MROH9: variants seen among roughly 807,000 people sequenced by gnomAD.
MROH9 encodes maestro heat like repeat family member 9.
A neutral mutation model predicts 98.2 loss-of-function variants in MROH9; 92 were observed. That is an observed-to-expected ratio of 0.94 (90% CI 0.79 to 1.11). The LOEUF is 1.11. MROH9 is among the 50% of genes most tolerant of loss of function. The probability of loss-of-function intolerance (pLI) is 0.00; values close to 1 mark genes in which losing one functional copy is unlikely to be tolerated. For synonymous variants in MROH9, 397 were observed against 368.9 expected (o/e 1.08, Z -0.87); for missense variants, 1,057 against 1,014.8 (o/e 1.04, Z -0.57).
chr1:171,011,236 A>T (rs1289454465), intron 15 of MROH9, among the ~76,000 whole-genome samples: 1 of 152,232 alleles, frequency 6.6e-6, no homozygotes, highest in Non-Finnish European at 1.5e-5. Flanking sequence ...CCCTAATGTG[A>T]TAACTAAATC....
chr1:170,938,977 G>T (rs556342755), intron 1 of MROH9, among the ~76,000 whole-genome samples: 10 of 152,188 alleles, frequency 6.6e-5, no homozygotes, highest in Non-Finnish European at 1.5e-4. Flanking sequence ...TGGCTACTTT[G>T]CTCATGAGCC....
chr1:170,994,445 T>A (rs1044227401), intron 12 of MROH9, among the ~76,000 whole-genome samples: 2 of 152,184 alleles, frequency 1.3e-5, no homozygotes, highest in Admixed American at 1.3e-4. Flanking sequence ...GTTTCTCACA[T>A]GTCATTTTAA....
rs150307319 is a variant in MROH9, at chr1:170,990,086, A to G, written c.1028+83A>G. On this transcript the variant is annotated intron_variant, in intron 11 of 21. Coordinates refer to ENST00000367759, the MANE Select transcript of MROH9 (RefSeq NM_001163629.2). ...CAGATGGACCTGGGTTCAACTCTCA[A>G]TCTACCATAGTCAGGCCTGGTTTCT... 7.3e-3 allele frequency: 10,088 copies of G among 1,387,726 alleles called. 49 individuals carry two copies. The highest frequency in any genetic ancestry group is 9.8e-3 in the South Asian group (641 of 65,672). 86.0% of individuals were successfully genotyped at this position (1,387,726 alleles called of 1,614,324 possible). A position where few individuals can be genotyped will look rare whatever the true frequency, so the allele number is the denominator to read the frequency against.
At chr1:171,018,637 G>A (rs965996029) in intron 17 of MROH9, among the ~76,000 whole-genome samples, 13 of 152,182 alleles carry the variant, frequency 8.5e-5, no homozygotes, top group Non-Finnish European at 4.4e-5. Flanking sequence ...CTAACCCAAT[G>A]CAAAGAAGCT....
At chr1:170,937,679 G>A (rs1039952509) in intron 1 of MROH9, among the ~76,000 whole-genome samples, 2 of 151,240 alleles carry the variant, frequency 1.3e-5, no homozygotes, top group African/African-American at 2.4e-5. Flanking sequence ...CCGCCACTAC[G>A]CCCGGCTAAT....
chr1:170,992,052 C>G, intron 11 of MROH9, 112 bp from the exon 12 acceptor site: 1 of 1,159,670 alleles, frequency 8.6e-7, no homozygotes, highest in Non-Finnish European at 1.2e-6. Flanking sequence ...TCTGCAGTGT[C>G]TTTGCTATAT....
chr1:171,036,323 A>G (rs72710583), intron 20 of MROH9, among the ~76,000 whole-genome samples: 14,336 of 152,064 alleles, frequency 0.094, 777 homozygotes, highest in Middle Eastern at 0.17. Flanking sequence ...CTGTACTTTT[A>G]TATGTGTACT....
intron 20 of MROH9, among the ~76,000 whole-genome samples, chr1:171,053,802 C>A (rs938834914): frequency 3.3e-4 from 50 of 151,440 alleles, no homozygotes; most frequent in African/African-American, 1.1e-3. Flanking sequence ...AAATATTCAA[C>A]CTAAAGATTA....
chr1:170,937,765 C>T (rs529565960), intron 1 of MROH9, among the ~76,000 whole-genome samples: 17 of 152,136 alleles, frequency 1.1e-4, no homozygotes, highest in East Asian at 3.9e-4. Context: ...CCTCGTGATC[C>T]GCCCGCCTCG....
chr1:170,964,621 G>GA (rs66504204), intron 6 of MROH9, among the ~76,000 whole-genome samples: 1 of 151,814 alleles, frequency 6.6e-6, no homozygotes, highest in East Asian at 1.9e-4. Flanking sequence ...AGACAGATTT[G>GA]AAAAAAAATT....
At chr1:171,024,303 G>GGGGTGTGT in intron 17 of MROH9, 92 bp from the exon 18 acceptor site, 1 of 669,558 alleles carries the variant, frequency 1.5e-6, no homozygotes, top group South Asian at 1.9e-5. Context: ...ATTTATATGG[G>GGGGTGTGT]GTGTGTGTGT....
intron 8 of MROH9, among the ~76,000 whole-genome samples, chr1:170,980,381 C>G (rs2101796313): frequency 6.6e-6 from 1 of 152,118 alleles, no homozygotes; most frequent in Non-Finnish European, 1.5e-5. Flanking sequence ...GTACTTGTAC[C>G]AAACATATAG....
chr1:170,957,619 A>G (rs1649815700), intron 3 of MROH9, among the ~76,000 whole-genome samples: 2 of 152,064 alleles, frequency 1.3e-5, no homozygotes, highest in South Asian at 4.1e-4. Flanking sequence ...GTTCTTTCTT[A>G]AGATTGTTTT....
intron 1 of MROH9, among the ~76,000 whole-genome samples, chr1:170,945,131 T>A (rs2101869576): frequency 1.3e-5 from 2 of 152,012 alleles, no homozygotes; most frequent in Non-Finnish European, 2.9e-5. Flanking sequence ...GGCTTCTAGA[T>A]GCTGAGTATT....
intron 20 of MROH9, among the ~76,000 whole-genome samples, chr1:171,044,641 C>T (rs1041348173): frequency 6.6e-6 from 1 of 152,044 alleles, no homozygotes; most frequent in African/African-American, 2.4e-5. Flanking sequence ...GATCTCATTA[C>T]TTGTTATTGG....
chr1:171,006,342 T>C (rs1364708992), intron 15 of MROH9, among the ~76,000 whole-genome samples: 2 of 152,228 alleles, frequency 1.3e-5, no homozygotes, highest in Admixed American at 1.3e-4. Context: ...TTTTCTGCTT[T>C]CAAGCTTATC....
chr1:170,987,087 G>A (rs1651167474), intron 10 of MROH9, among the ~76,000 whole-genome samples: 1 of 152,104 alleles, frequency 6.6e-6, no homozygotes, highest in South Asian at 2.1e-4. Flanking sequence ...AAACTCCTGG[G>A]CTCAAGCAAC....
At chr1:170,973,350 C>T (rs1650548729) in intron 8 of MROH9, among the ~76,000 whole-genome samples, 1 of 151,966 alleles carries the variant, frequency 6.6e-6, no homozygotes, top group South Asian at 2.1e-4. Flanking sequence ...TTATAATTCA[C>T]AAGTACCGAG....
rs149091198 is a variant in MROH9, at chr1:171,016,695, A to G, written c.1908+359A>G. Among the ~76,000 whole-genome samples the G allele has an allele frequency of 3.9e-5, 6 of 152,226 alleles. No homozygotes were observed. In the East Asian group the frequency reaches 1.2e-3, roughly 29 times the overall value. On this transcript the variant is annotated intron_variant, in intron 17 of 21. Transcript: ENST00000367759. ...GATTTCTTCAGTCTTTTGGTGTATC[A>G]CTTTTTCCCCATCTATAAAACAGCA...
Sources: gnomAD v4.1 joint callset for allele counts (sites outside exome capture counted in the v4.1 genomes callset) on GRCh38, gnomAD v4.1.1 for gene constraint, MANE v1.5 for transcripts, NCBI Gene and HGNC (gene_info 2026-07-23, HGNC 2026-07-21) for gene names.